Variants in MAT2B observed in about 807,000 individuals in gnomAD.
MAT2B encodes methionine adenosyltransferase 2 subunit beta.
A neutral mutation model predicts 36.1 loss-of-function variants in MAT2B; 16 were observed. The observed-to-expected ratio is 0.44, with a 90% CI of 0.30 to 0.67. MAT2B has a LOEUF of 0.67. Ranked by LOEUF, MAT2B falls within the 30% of genes least tolerant of loss-of-function variation. The pLI is 0.09. For missense variants in MAT2B, 332 were observed against 398.2 expected (o/e 0.83, Z 1.42); for synonymous variants, 148 against 136.9 (o/e 1.08, Z -0.57).
chr5:163,513,753 G>GT, intron 3 of MAT2B, 84 bp downstream of exon 3: 5 of 1,508,240 alleles, frequency 3.3e-6, no homozygotes, highest in Non-Finnish European at 4.6e-6. Context: ...ATGGTTATTT[G>GT]TTTTTATATA....
chr5:163,514,665 G>A (rs1165421567), intron 4 of MAT2B, among the ~76,000 whole-genome samples: 2 of 152,048 alleles, frequency 1.3e-5, no homozygotes, highest in African/African-American at 4.8e-5. Flanking sequence ...CCTACTCTGG[G>A]ATATCTTACT....
Position 163,505,694 on chromosome 5 carries a change from G to C in MAT2B, c.8G>C (p.Gly3Ala). Reference sequence around the variant, plus strand: ...GGCGTGAAGACGGCGGGCATGGTGGGGCGGGAGAAAGAGCTCTCTATACAC... The same window carrying C: ...GGCGTGAAGACGGCGGGCATGGTGGCGCGGGAGAAAGAGCTCTCTATACAC... MVGREKELSIHFV... is the reference protein window; with the variant it reads MVAREKELSIHFV... The change falls in exon 1 of 7, where the codon GGG (glycine) becomes GCG (alanine). Residue 3 changes from glycine (G) to alanine (A), a missense_variant. Coordinates refer to ENST00000321757, the MANE Select transcript of MAT2B (RefSeq NM_013283.5). 1 of 1,285,388 alleles carries C rather than the reference G, an allele frequency of 7.8e-7. No individual in the cohort carries two copies. The highest frequency in any genetic ancestry group is 9.9e-7 in the Non-Finnish European group (1 of 1,008,742). 79.6% of individuals were successfully genotyped at this position (1,285,388 alleles called of 1,614,324 possible). A position where few individuals can be genotyped will look rare whatever the true frequency, so the allele number is the denominator to read the frequency against.
upstream of MAT2B, chr5:163,505,434 C>T: frequency 1.1e-6 from 1 of 927,480 alleles, no homozygotes; most frequent in Non-Finnish European, 1.4e-6. Flanking sequence ...AGGTCAGGGC[C>T]TTTCTTTTGT....
chr5:163,516,877 G>A (rs189592619), intron 5 of MAT2B, 166 bp downstream of exon 5: 2 of 626,524 alleles, frequency 3.2e-6, no homozygotes, highest in Admixed American at 5.6e-5. Flanking sequence ...TATTCATGAA[G>A]AATAAAAATA....
chr5:163,513,011 G>T (rs1335414270), intron 2 of MAT2B: 2 of 207,266 alleles, frequency 9.6e-6, no homozygotes, highest in Non-Finnish European at 2.0e-5. Flanking sequence ...TTTCAGACAG[G>T]GTCTCACTCT....
Position 163,512,032 on chromosome 5 carries a change from C to T in MAT2B, c.94C>T (p.Leu32=). The part of the protein sequence containing the change: ...EEVNIPNRRV[L]VTGATGLLGR... ...AGTTAACATCCCTAATAGGAGGGTTCTGGTTACTGGTGCCACTGGGCTTCT... is the reference window on the plus strand; with the variant it reads ...AGTTAACATCCCTAATAGGAGGGTTTTGGTTACTGGTGCCACTGGGCTTCT... The change falls in exon 2 of 7, where the codon CTG becomes TTG. Residue 32 remains leucine, a synonymous_variant. Transcript: ENST00000321757. The T allele has an allele frequency of 1.2e-6, 2 of 1,614,142 alleles. No individual in the cohort carries two copies. Among genetic ancestry groups the T allele is most frequent in the South Asian group, 1.1e-5 (1 of 91,080 alleles).
In MAT2B at chr5:163,512,158, G is replaced by T; in HGVS notation, c.220G>T (p.Asp74Tyr). Residue 74 changes from aspartate (D) to tyrosine (Y), a missense_variant, in exon 2 of 7, where the codon GAT (aspartate) becomes TAT (tyrosine). Transcript: ENST00000321757. ...AAAATTTGAACAGGTTAATCTGTTG[G>T]ATTCTAATGCAGTTCATCACATCAT... Reference protein sequence around the residue: ...RPKFEQVNLLDSNAVHHIIHD... With the variant: ...RPKFEQVNLLYSNAVHHIIHD... 2 of 1,614,072 alleles carry T rather than the reference G, an allele frequency of 1.2e-6. No homozygotes were observed. Among genetic ancestry groups the T allele is most frequent in the Non-Finnish European group, 1.7e-6 (2 of 1,179,934 alleles).
intron 2 of MAT2B, 88 bp downstream of exon 2, chr5:163,512,284 T>A: frequency 8.4e-7 from 1 of 1,183,734 alleles, no homozygotes; most frequent in Non-Finnish European, 1.3e-6. Flanking sequence ...TCAAGGAAAT[T>A]ACTATGTTTG....
At chr5:163,518,120 C>A in intron 6 of MAT2B, 73 bp from the exon 7 acceptor site, 1 of 1,052,440 alleles carries the variant, frequency 9.5e-7, no homozygotes, top group Non-Finnish European at 1.4e-6. Context: ...AAAAAAAGGT[C>A]AGGGGGAACA....
Position 163,516,713 on chromosome 5 carries a change from TAAG to T in MAT2B, c.720+6_720+8del, listed in dbSNP as rs79356596. On this transcript the variant is annotated splice_donor_5th_base_variant and intron_variant, in intron 5 of 6. Coordinates refer to ENST00000321757, the MANE Select transcript of MAT2B (RefSeq NM_013283.5). ...CAGCTAGCAGAGAAGAGAATGCTGGTAAGAAGGATTCCTGAGTCCTGTCTTAGC... is the reference window on the plus strand; with the variant it reads ...CAGCTAGCAGAGAAGAGAATGCTGGTAAGGATTCCTGAGTCCTGTCTTAGC... The T allele has an allele frequency of 1.1e-3, 1,788 of 1,614,168 alleles. 16 individuals carry two copies. In the African/African-American group the frequency reaches 0.021, roughly 19 times the overall value.
In MAT2B at chr5:163,505,701, G is replaced by A. The variant is rs1382644083; in HGVS notation, c.15G>A (p.Glu5=). The A allele has an allele frequency of 2.3e-6, 3 of 1,284,952 alleles. No homozygotes were observed. The highest frequency in any genetic ancestry group is 3.0e-6 in the Non-Finnish European group (3 of 1,008,414). The allele number at this position is 1,284,952 out of a possible 1,614,324, so 79.6% of individuals were successfully genotyped here. The change falls in exon 1 of 7, where the codon GAG becomes GAA. Residue 5 remains glutamate, a synonymous_variant. Transcript: ENST00000321757. ...AGACGGCGGGCATGGTGGGGCGGGA[G>A]AAAGAGCTCTCTATACACTTTGTTC... MVGR[E]KELSIHFVPG... is the part of the protein sequence containing the mutation.
chr5:163,505,784 C>T lies in MAT2B; in HGVS notation c.63+35C>T, dbSNP rs752645771. ...TCGGCCTGGGCGTCTCCGGTGGGAG[C>T]GGGGGCGCCGAGGGGGACGAGCCAC... On this transcript the variant is annotated intron_variant, in intron 1 of 6. Coordinates refer to ENST00000321757, the MANE Select transcript of MAT2B (RefSeq NM_013283.5). The T allele has an allele frequency of 2.6e-5, 33 of 1,251,532 alleles. No homozygotes were observed. In the South Asian group the frequency reaches 1.0e-3, roughly 38 times the overall value. 77.5% of individuals were successfully genotyped at this position (1,251,532 alleles called of 1,614,324 possible). A position where few individuals can be genotyped will look rare whatever the true frequency, so the allele number is the denominator to read the frequency against.
chr5:163,514,990 G>T (rs1457769325), intron 4 of MAT2B, among the ~76,000 whole-genome samples: 1 of 152,146 alleles, frequency 6.6e-6, no homozygotes, highest in Non-Finnish European at 1.5e-5. Context: ...TGGTCCTCTG[G>T]AGGGGAGGAA....
intron 1 of MAT2B, among the ~76,000 whole-genome samples, chr5:163,508,651 C>G (rs1759986709): frequency 2.0e-5 from 3 of 151,424 alleles, no homozygotes; most frequent in South Asian, 4.2e-4. Flanking sequence ...AAGTCTAGCT[C>G]GTGTCCCCCA....
chr5:163,514,353 TTTG>T (rs1328839314), intron 4 of MAT2B, among the ~76,000 whole-genome samples: 1 of 152,222 alleles, frequency 6.6e-6, no homozygotes, highest in Non-Finnish European at 1.5e-5. Flanking sequence ...GTGTATGTAT[TTTG>T]TTTTTATGTA....
chr5:163,503,356 C>T (rs202024158), upstream of MAT2B: 4 of 1,605,666 alleles, frequency 2.5e-6, no homozygotes, highest in South Asian at 3.3e-5. Flanking sequence ...GAGGCTAAGA[C>T]CCATCCCGTA....
At chr5:163,512,871 G>A (rs1422771443) in intron 2 of MAT2B, 2 of 297,240 alleles carry the variant, frequency 6.7e-6, no homozygotes, top group South Asian at 2.5e-5. Flanking sequence ...AGTAGAGATG[G>A]GGTTTCACCA....
chr5:163,509,391 TG>T (rs1409572080), intron 1 of MAT2B, among the ~76,000 whole-genome samples: 28 of 152,356 alleles, frequency 1.8e-4, no homozygotes, highest in Non-Finnish European at 3.5e-4. Flanking sequence ...ATGAAAGCTT[TG>T]AACTTTCCTG....
chr5:163,513,742 G>T, intron 3 of MAT2B, 73 bp downstream of exon 3: 1 of 1,510,936 alleles, frequency 6.6e-7, no homozygotes, highest in Non-Finnish European at 9.1e-7. Context: ...AGGTTTTGTA[G>T]ATGGTTATTT....
Sources: allele counts gnomAD v4.1 joint callset (sites outside exome capture counted in the v4.1 genomes callset), GRCh38; gene constraint gnomAD v4.1.1; transcripts MANE v1.5; gene names NCBI Gene and HGNC (gene_info 2026-07-23, HGNC 2026-07-21).